AP4M1: variants seen among roughly 807,000 people sequenced by gnomAD.
AP4M1 encodes AP-4 complex subunit mu-1.
A neutral mutation model predicts 62.4 loss-of-function variants in AP4M1; 58 were observed. The observed-to-expected ratio is 0.93, with a 90% CI of 0.75 to 1.16. AP4M1 has a LOEUF of 1.16. AP4M1 is among the 50% of genes most tolerant of loss of function. The pLI, the probability that AP4M1 is intolerant of heterozygous loss-of-function variation, is 0.00. For missense variants in AP4M1, 626 were observed against 585.4 expected, an observed-to-expected ratio of 1.07 and a Z score of -0.72; for synonymous variants, 290 against 239.7, an observed-to-expected ratio of 1.21 and a Z score of -1.94.
Position 100,107,585 on chromosome 7 carries a change from G to A in AP4M1, c.*703G>A. On this transcript the variant is annotated 3_prime_UTR_variant, in exon 15 of 15. Coordinates refer to ENST00000359593, the MANE Select transcript of AP4M1 (RefSeq NM_004722.4). ...TGGTGGTGACGGGCGAAGTGGTGGT[G>A]GAACCTGAGCCGGGGGCCGAGGTGC... 6.2e-7 allele frequency: 1 copy of A among 1,613,768 alleles called. No homozygotes were observed.
At chr7:100,103,297 CG>C (rs1312150743) in intron 4 of AP4M1, 111 bp from the exon 5 acceptor site, 1 of 928,428 alleles carries the variant, frequency 1.1e-6, no homozygotes, top group Non-Finnish European at 1.7e-6. Flanking sequence ...TCCTACGTCT[CG>C]GCCTTCCAAA....
intron 6 of AP4M1, among the ~76,000 whole-genome samples, 185 bp from the exon 7 acceptor site, chr7:100,103,903 AAAAG>A (rs1470899911): frequency 6.6e-6 from 1 of 150,978 alleles, no homozygotes; most frequent in Non-Finnish European, 1.5e-5. Flanking sequence ...AAAAAAAAAA[AAAAG>A]AAAAAGATCT....
chr7:100,108,182 G>A lies in AP4M1; in HGVS notation c.*1300G>A, dbSNP rs527290968. On this transcript the variant is annotated 3_prime_UTR_variant, in exon 15 of 15. Transcript: ENST00000359593. The stretch of plus-strand genomic sequence containing the variant: ...CATCTACTAAGAAGAGGAGTCTGAA[G>A]GGAGAGGCCTGGGCTCCCCTCGCTC... 3.2e-5 allele frequency: 49 copies of A among 1,528,506 alleles called. 2 individuals are homozygous for A. In the Middle Eastern group the frequency reaches 9.3e-4, roughly 29 times the overall value. The allele number at this position is 1,528,506 out of a possible 1,614,324, so 94.7% of individuals were successfully genotyped here.
At chr7:100,103,753 G>A (rs1796245624) in intron 6 of AP4M1, 61 bp downstream of exon 6, 1 of 1,574,192 alleles carries the variant, frequency 6.4e-7, no homozygotes, top group Non-Finnish European at 8.7e-7. Context: ...GGGAGTCCAA[G>A]ATCTTAGGTC....
chr7:100,103,061 C>CA (rs1796189199), intron 4 of AP4M1, 101 bp downstream of exon 4: 1 of 530,356 alleles, frequency 1.9e-6, no homozygotes. Flanking sequence ...CCAAGTCTAC[C>CA]TTTTTTTTTT....
At chr7:100,105,913 C>T (rs754549104) in intron 11 of AP4M1, 46 bp from the exon 12 acceptor site, 9 of 1,608,444 alleles carry the variant, frequency 5.6e-6, no homozygotes, top group Middle Eastern at 1.7e-4. Context: ...TGGTGAGATG[C>T]CAGTAGAAGA....
intron 12 of AP4M1, 42 bp from the exon 13 acceptor site, chr7:100,106,199 T>C (rs1175687752): frequency 9.3e-6 from 15 of 1,611,248 alleles, no homozygotes. Context: ...GACAAGGGAC[T>C]GTGCCTTCCT....
In AP4M1 at chr7:100,107,988, A is replaced by T; in HGVS notation, c.*1106A>T. 6.2e-7 allele frequency: 1 copy of T among 1,613,896 alleles called. No homozygotes were observed. Among genetic ancestry groups the T allele is most frequent in the African/African-American group, 1.3e-5 (1 of 74,984 alleles). On this transcript the variant is annotated 3_prime_UTR_variant, in exon 15 of 15. Transcript: ENST00000359593. ...ACAATAAACTTGGTTGGAGGAGGGG[A>T]AGGCTGTGGTGGGGCAGCCGCTCGT...
upstream of AP4M1, chr7:100,100,877 C>T (rs1795973301): frequency 9.5e-7 from 1 of 1,052,018 alleles, no homozygotes; most frequent in Non-Finnish European, 1.1e-6. Context: ...CTACGCGCGC[C>T]TGGGGAGGGC....
intron 13 of AP4M1, 52 bp from the exon 14 acceptor site, chr7:100,106,351 G>T: frequency 6.2e-7 from 1 of 1,612,542 alleles, no homozygotes. Flanking sequence ...CAGCATGACG[G>T]GTCTGCCTCA....
chr7:100,101,324 G>A (rs756947448), upstream of AP4M1: 6 of 1,612,916 alleles, frequency 3.7e-6, no homozygotes, highest in Non-Finnish European at 5.1e-6. Flanking sequence ...GCCGCGCTTG[G>A]CGGGCTCAGA....
Position 100,105,488 on chromosome 7 carries a change from C to A in AP4M1, c.878C>A (p.Pro293Gln), listed in dbSNP as rs757649099. The stretch of plus-strand genomic sequence containing the variant: ...CAACTCTCCGATGACCTCCCCTCAC[C>A]GCTCCCCTTCCGGCTCTTCCCCTCT... ...RYQLSDDLPS[P>Q]LPFRLFPSVQ... Residue 293 changes from proline to glutamine, a missense_variant, in exon 11 of 15, where the codon CCG becomes CAG. Coordinates refer to ENST00000359593, the MANE Select transcript of AP4M1 (RefSeq NM_004722.4). The A allele has an allele frequency of 1.2e-6, 2 of 1,613,920 alleles. No individual in the cohort carries two copies. Among genetic ancestry groups the A allele is most frequent in the South Asian group, 2.2e-5 (2 of 91,092 alleles).
intron 12 of AP4M1, 21 bp from the exon 13 acceptor site, chr7:100,106,220 T>G: frequency 6.2e-7 from 1 of 1,614,024 alleles, no homozygotes; most frequent in Non-Finnish European, 8.5e-7. Flanking sequence ...GGGGCTGACT[T>G]TGTTCCCGTC....
At position 100,102,913 on chromosome 7, in the gene AP4M1, A is replaced by T. The variant is rs765894853; in HGVS notation, c.304A>T (p.Ile102Phe). 5.6e-6 allele frequency: 9 copies of T among 1,613,942 alleles called. No homozygotes were observed. Among genetic ancestry groups the T allele is most frequent in the African/African-American group, 4.0e-5 (3 of 74,884 alleles). The part of the protein sequence containing the change: ...DYCGSLGEGT[I>F]SRNVALVYEL... ...CTGTGGCTCCCTGGGCGAGGGGACC[A>T]TCTCCCGCAATGTGGCTCTGGTATA... Residue 102 changes from isoleucine (I) to phenylalanine (F), a missense_variant, in exon 4 of 15, where the codon ATC becomes TTC. Ile to Phe is a conservative substitution (Grantham distance 21). Transcript: ENST00000359593.
At chr7:100,103,003 C>G in intron 4 of AP4M1, 43 bp downstream of exon 4, 1 of 1,531,660 alleles carries the variant, frequency 6.5e-7, no homozygotes, top group Middle Eastern at 1.8e-4. Context: ...ACCCAATTCC[C>G]CTGAAGATAC....
chr7:100,108,448 G>A lies in AP4M1; in HGVS notation c.*1566G>A, dbSNP rs1187243245. The A allele has an allele frequency of 3.7e-6, 6 of 1,613,922 alleles. No individual in the cohort carries two copies. The highest frequency in any genetic ancestry group is 2.2e-5 in the East Asian group (1 of 44,890). On this transcript the variant is annotated 3_prime_UTR_variant, in exon 15 of 15. Coordinates refer to ENST00000359593, the MANE Select transcript of AP4M1 (RefSeq NM_004722.4). ...CCCGAGCCTTGACCACCTGGGAGCA[G>A]AGGAGGGGCCCAAGGGACCCGAATT...
At position 100,108,243 on chromosome 7, in the gene AP4M1, C is replaced by T. The variant is rs1796768675; in HGVS notation, c.*1361C>T. ...GCTCTCACTAGGGCTGGGGCATCCT[C>T]ACTCAGGGCCTGGTTGCCCTGAGAC... On this transcript the variant is annotated 3_prime_UTR_variant, in exon 15 of 15. Transcript: ENST00000359593. 1.4e-6 allele frequency: 2 copies of T among 1,454,142 alleles called. No individual in the cohort carries two copies. The highest frequency in any genetic ancestry group is 9.1e-7 in the Non-Finnish European group (1 of 1,095,382). 90.1% of individuals were successfully genotyped at this position (1,454,142 alleles called of 1,614,324 possible). A position where few individuals can be genotyped will look rare whatever the true frequency, so the allele number is the denominator to read the frequency against.
Position 100,105,999 on chromosome 7 carries a change from A to G in AP4M1, c.970A>G (p.Lys324Glu). 1 of 1,614,076 alleles carries G rather than the reference A, an allele frequency of 6.2e-7. No individual in the cohort carries two copies. Among genetic ancestry groups the G allele is most frequent in the Non-Finnish European group, 8.5e-7 (1 of 1,180,016 alleles). The change falls in exon 12 of 15, where the codon AAG becomes GAG. Residue 324 changes from lysine to glutamate, a missense_variant. Lys to Glu is a moderately conservative substitution (Grantham distance 56, BLOSUM62 1). Transcript: ENST00000359593. ...YLKLRCDLLSKSQALNVRLHL... is the reference protein window; with the variant it reads ...YLKLRCDLLSESQALNVRLHL... ...AAAGTTGCGATGTGACCTGCTCTCA[A>G]AGAGGTAAGAGTGAGGCTGGCCTGG...
At position 100,106,245 on chromosome 7, in the gene AP4M1, G is replaced by C; in HGVS notation, c.979G>C (p.Ala327Pro). 6.2e-7 allele frequency: 1 copy of C among 1,614,128 alleles called. No homozygotes were observed. The highest frequency in any genetic ancestry group is 1.1e-5 in the South Asian group (1 of 91,084). Residue 327 changes from alanine to proline, a missense_variant, in exon 13 of 15, where the codon GCC becomes CCC. Physicochemically the swap from Ala to Pro is conservative, Grantham distance 27 (BLOSUM62 -1). Transcript: ENST00000359593. ...LRCDLLSKSQ[A>P]LNVRLHLPLP... ...TTGTTCCCGTCTCCTCTGTAGCCAAGCCCTCAATGTCAGGCTGCACCTCCC... is the reference window on the plus strand; with the variant it reads ...TTGTTCCCGTCTCCTCTGTAGCCAACCCCTCAATGTCAGGCTGCACCTCCC...
Sources: gnomAD v4.1 joint callset for allele counts (sites outside exome capture counted in the v4.1 genomes callset) on GRCh38, gnomAD v4.1.1 for gene constraint, MANE v1.5 for transcripts, NCBI Gene and HGNC (gene_info 2026-07-23, HGNC 2026-07-21) for gene names.